LARGE1: variants seen among roughly 807,000 people sequenced by gnomAD.
LARGE1 encodes the protein xylosyl- and glucuronyltransferase LARGE1.
LARGE1 carries 43 observed loss-of-function variants against 87.6 expected under a neutral mutation model. The observed-to-expected ratio is 0.49, with a 90% confidence interval of 0.38 to 0.63. LARGE1 has a LOEUF of 0.63. Among genes scored for constraint, LARGE1 ranks in the 30% least tolerant of loss-of-function variants. The pLI is 0.00. For missense variants in LARGE1, 802 were observed against 1,000.2 expected (o/e 0.80, Z 2.67); for synonymous variants, 434 against 394.6 (o/e 1.10, Z -1.18).
intron 2 of LARGE1, among the ~76,000 whole-genome samples, chr22:33,674,045 G>A (rs1480568869): frequency 6.6e-6 from 1 of 152,108 alleles, no homozygotes; most frequent in Non-Finnish European, 1.5e-5. Context: ...CCGACCTCAT[G>A]TGATCCACCT....
chr22:33,552,114 T>C (rs879247465), intron 6 of LARGE1, among the ~76,000 whole-genome samples: 2 of 152,054 alleles, frequency 1.3e-5, no homozygotes, highest in Admixed American at 1.3e-4. Flanking sequence ...TCATATGAAT[T>C]TCTAACGGAC....
intron 11 of LARGE1, among the ~76,000 whole-genome samples, chr22:33,307,895 G>A (rs750696935): frequency 2.6e-5 from 4 of 151,602 alleles, no homozygotes; most frequent in Non-Finnish European, 4.4e-5. Context: ...CCTAAGGGTC[G>A]TCCCCGTGCA....
intron 6 of LARGE1, among the ~76,000 whole-genome samples, chr22:33,432,541 C>T (rs1327697641): frequency 6.6e-6 from 1 of 152,064 alleles, no homozygotes; most frequent in Non-Finnish European, 1.5e-5. Context: ...CCTAGTGAAT[C>T]TGATAAAGCT....
chr22:33,319,983 G>A (rs867932152), intron 10 of LARGE1, among the ~76,000 whole-genome samples: 4 of 152,212 alleles, frequency 2.6e-5, no homozygotes, highest in East Asian at 1.9e-4. Flanking sequence ...ATTTTTAACC[G>A]TTAAAAGGAT....
chr22:33,744,104 T>C (rs968833050), intron 2 of LARGE1: 14 of 152,242 alleles, frequency 9.2e-5, no homozygotes, highest in African/African-American at 3.1e-4. Flanking sequence ...ATTTTTTTAA[T>C]ACTCTATTTT....
intron 11 of LARGE1, among the ~76,000 whole-genome samples, chr22:33,203,642 G>A (rs1439886766): frequency 2.6e-5 from 4 of 152,084 alleles, no homozygotes; most frequent in South Asian, 4.1e-4. Context: ...ATGATAGAAC[G>A]CATGCTAGGG....
At chr22:33,595,358 G>A (rs1258394307) in intron 5 of LARGE1, among the ~76,000 whole-genome samples, 1 of 152,146 alleles carries the variant, frequency 6.6e-6, no homozygotes, top group Non-Finnish European at 1.5e-5. Flanking sequence ...GCTTTTAAAT[G>A]AGTTTAAGAC....
chr22:33,246,600 C>T (rs183853221), intron 11 of LARGE1, among the ~76,000 whole-genome samples: 139 of 152,152 alleles, frequency 9.1e-4, no homozygotes, highest in African/African-American at 3.1e-3. Context: ...GAGCCGAGAT[C>T]GCACCACTGC....
intron 6 of LARGE1, among the ~76,000 whole-genome samples, chr22:33,559,243 G>A (rs1489456947): frequency 6.6e-6 from 1 of 152,192 alleles, no homozygotes; most frequent in African/African-American, 2.4e-5. Flanking sequence ...GTGCAATGGT[G>A]TGATCTTGGC....
chr22:33,477,248 T>C (rs1045497539), intron 6 of LARGE1, among the ~76,000 whole-genome samples: 2 of 152,194 alleles, frequency 1.3e-5, no homozygotes, highest in African/African-American at 4.8e-5. Flanking sequence ...AATTACAGGC[T>C]GCAGCAAAAG....
chr22:33,120,940 T>A, the LARGE1 span, among the ~76,000 whole-genome samples: 1 of 152,002 alleles, frequency 6.6e-6, no homozygotes, highest in Non-Finnish European at 1.5e-5. Context: ...GATCTGTGGT[T>A]TCCACAGAGG....
chr22:33,744,095 T>C (rs2083990328), intron 2 of LARGE1: 1 of 152,240 alleles, frequency 6.6e-6, no homozygotes, highest in South Asian at 2.1e-4. Flanking sequence ...CCGCAACAGA[T>C]TTTTTTAATA....
intron 2 of LARGE1, among the ~76,000 whole-genome samples, chr22:33,657,937 GAA>G (rs201427735): frequency 2.8e-5 from 4 of 141,022 alleles, no homozygotes; most frequent in African/African-American, 7.7e-5. Flanking sequence ...TTTGACTAAT[GAA>G]AAAAAAAAAA....
At chr22:33,312,225 C>T (rs938954659) in intron 11 of LARGE1, among the ~76,000 whole-genome samples, 1 of 152,046 alleles carries the variant, frequency 6.6e-6, no homozygotes. Context: ...GGGCAGATCA[C>T]GAAGTCAAGA....
chr22:33,342,552 A>G (rs750412742), intron 9 of LARGE1, among the ~76,000 whole-genome samples: 1 of 152,172 alleles, frequency 6.6e-6, no homozygotes, highest in Non-Finnish European at 1.5e-5. Flanking sequence ...TATTATATCT[A>G]GTCCTAAAGG....
At chr22:33,646,598 A>T (rs201287966) in intron 3 of LARGE1, among the ~76,000 whole-genome samples, 3 of 45,334 alleles carry the variant, frequency 6.6e-5, no homozygotes, top group Admixed American at 1.8e-4. Flanking sequence ...TTTAAAGTTT[A>T]AAAAAAAAAA....
intron 3 of LARGE1, among the ~76,000 whole-genome samples, chr22:33,626,850 A>G (rs2079937637): frequency 1.3e-5 from 2 of 152,212 alleles, no homozygotes; most frequent in African/African-American, 4.8e-5. Context: ...AGACTGGCAG[A>G]ATTGAAGGGA....
intron 6 of LARGE1, among the ~76,000 whole-genome samples, chr22:33,441,872 T>C (rs1029295233): frequency 6.6e-6 from 1 of 152,232 alleles, no homozygotes; most frequent in African/African-American, 2.4e-5. Flanking sequence ...ATATTGCATG[T>C]CCTTCAGATG....
intron 10 of LARGE1, among the ~76,000 whole-genome samples, chr22:33,330,757 A>G (rs1488343164): frequency 6.6e-6 from 1 of 152,176 alleles, no homozygotes; most frequent in African/African-American, 2.4e-5. Context: ...CTTGTCCTAG[A>G]GCAAGCAGCC....
Sources: allele counts gnomAD v4.1 joint callset (sites outside exome capture counted in the v4.1 genomes callset), GRCh38; gene constraint gnomAD v4.1.1; transcripts MANE v1.5; gene names NCBI Gene and HGNC (gene_info 2026-07-23, HGNC 2026-07-21).